GRIA4: variants seen among roughly 807,000 people sequenced by gnomAD.
The protein encoded by GRIA4 is glutamate receptor 4.
GRIA4 carries 34 observed loss-of-function variants against 104.0 expected under a neutral mutation model. That is an observed-to-expected ratio of 0.33 (90% CI 0.25 to 0.44). GRIA4 has a LOEUF of 0.44. GRIA4 is among the 20% of genes least tolerant of loss of function. GRIA4 has a pLI of 1.00. For synonymous variants in GRIA4, 386 were observed against 381.9 expected, an observed-to-expected ratio of 1.01 and a Z score of -0.13; for missense variants, 750 against 1,096.5, an observed-to-expected ratio of 0.68 and a Z score of 4.46.
chr11:105,691,576 A>T (rs1454118398), intron 3 of GRIA4, among the ~76,000 whole-genome samples: 4 of 152,182 alleles, frequency 2.6e-5, no homozygotes, highest in Non-Finnish European at 5.9e-5. Context: ...ACCTCATAAG[A>T]TTATTTTGAT....
At chr11:105,849,081 A>G (rs1411446683) in intron 4 of GRIA4, among the ~76,000 whole-genome samples, 1 of 152,112 alleles carries the variant, frequency 6.6e-6, no homozygotes, top group Non-Finnish European at 1.5e-5. Context: ...AATCTCAGAA[A>G]CTCAGAAGGC....
intron 14 of GRIA4, 40 bp from the exon 15 acceptor site, chr11:105,971,873 AT>A: frequency 2.4e-6 from 3 of 1,257,352 alleles, no homozygotes. Context: ...ATAACATAAA[AT>A]AACATATATA....
At chr11:105,945,527 G>A (rs1346797144) in intron 14 of GRIA4, 2 of 856,662 alleles carry the variant, frequency 2.3e-6, no homozygotes, top group East Asian at 1.2e-4. Flanking sequence ...TCTTTCAAAA[G>A]AATGGCTTCC....
chr11:105,611,160 G>T, intron 2 of GRIA4, 75 bp downstream of exon 2: 2 of 1,011,612 alleles, frequency 2.0e-6, no homozygotes, highest in Non-Finnish European at 3.2e-6. Context: ...ATGAGTTGCT[G>T]ATAAGCAATT....
intron 4 of GRIA4, among the ~76,000 whole-genome samples, chr11:105,823,884 A>T (rs751965088): frequency 6.6e-6 from 1 of 152,066 alleles, no homozygotes; most frequent in Non-Finnish European, 1.5e-5. Flanking sequence ...TTGAGATAAG[A>T]TTAAGTTAAA....
intron 5 of GRIA4, among the ~76,000 whole-genome samples, chr11:105,869,496 T>C (rs922276135): frequency 2.6e-5 from 4 of 152,082 alleles, no homozygotes; most frequent in African/African-American, 9.7e-5. Flanking sequence ...GTAAGTTATA[T>C]TCCTCATTAG....
intron 5 of GRIA4, among the ~76,000 whole-genome samples, chr11:105,879,931 T>C (rs1945985781): frequency 6.6e-6 from 1 of 152,172 alleles, no homozygotes; most frequent in Non-Finnish European, 1.5e-5. Context: ...GAAAACAGTA[T>C]GGAAACTATA....
intron 14 of GRIA4, among the ~76,000 whole-genome samples, chr11:105,952,012 G>A (rs1260532271): frequency 6.6e-6 from 1 of 152,078 alleles, no homozygotes; most frequent in Admixed American, 6.6e-5. Context: ...TGATGCAACT[G>A]TACAATGATC....
At chr11:105,965,659 C>T (rs1250858356) in intron 14 of GRIA4, among the ~76,000 whole-genome samples, 1 of 126,458 alleles carries the variant, frequency 7.9e-6, no homozygotes, top group African/African-American at 3.1e-5. Context: ...AGTAAATTCC[C>T]GTTTATTACT....
chr11:105,610,132 C>G lies in GRIA4; in HGVS notation c.-387C>G, dbSNP rs1950433138. ...AGGACTGTAGGAGAGGGAGGCAGCC[C>G]GTCCTCCTCACGAACCTGCAAGGAT... On this transcript the variant is annotated 5_prime_UTR_variant, in exon 1 of 17. Transcript: ENST00000282499. The G allele has an allele frequency of 6.6e-6, 1 of 152,606 alleles. No homozygotes were observed. Among genetic ancestry groups the G allele is most frequent in the East Asian group, 1.9e-4 (1 of 5,162 alleles). The allele number at this position is 152,606 out of a possible 1,614,324, so 9.5% of individuals were successfully genotyped here. A position where few individuals can be genotyped will look rare whatever the true frequency, so the allele number is the denominator to read the frequency against.
intron 13 of GRIA4, among the ~76,000 whole-genome samples, chr11:105,927,341 A>G (rs1215718923): frequency 1.3e-5 from 2 of 152,118 alleles, no homozygotes; most frequent in Non-Finnish European, 2.9e-5. Flanking sequence ...TGCGTTTGAA[A>G]CACAAAACCT....
intron 3 of GRIA4, among the ~76,000 whole-genome samples, chr11:105,652,433 C>G (rs1460334258): frequency 6.6e-6 from 1 of 152,084 alleles, no homozygotes; most frequent in Non-Finnish European, 1.5e-5. Context: ...TCCAGTGTAA[C>G]CAGTAAGATG....
At chr11:105,747,557 A>C (rs558874366) in intron 3 of GRIA4, among the ~76,000 whole-genome samples, 29 of 152,306 alleles carry the variant, frequency 1.9e-4, no homozygotes, top group Middle Eastern at 3.4e-3. Flanking sequence ...ATTTACTAAA[A>C]TCAGAATTTT....
chr11:105,806,384 A>G (rs767397277), intron 4 of GRIA4, among the ~76,000 whole-genome samples: 1 of 151,856 alleles, frequency 6.6e-6, no homozygotes, highest in African/African-American at 2.4e-5. Context: ...CACAGAACCC[A>G]TCAGAAAAGT....
intron 13 of GRIA4, 41 bp from the exon 14 acceptor site, chr11:105,933,680 TC>T: frequency 7.1e-7 from 1 of 1,413,878 alleles, no homozygotes; most frequent in Non-Finnish European, 9.6e-7. Context: ...AACATGTTGT[TC>T]CCTTCTTTCC....
chr11:105,905,092 G>T (rs1241588621), intron 8 of GRIA4, 105 bp from the exon 9 acceptor site: 1 of 671,476 alleles, frequency 1.5e-6, no homozygotes, highest in Non-Finnish European at 2.7e-6. Context: ...GTTGGTTATA[G>T]TTTATAGTTC....
At chr11:105,776,393 A>G (rs1941452133) in intron 4 of GRIA4, among the ~76,000 whole-genome samples, 1 of 152,226 alleles carries the variant, frequency 6.6e-6, no homozygotes, top group South Asian at 2.1e-4. Flanking sequence ...AATATATCAA[A>G]CTTGTTTCAA....
chr11:105,971,276 G>A (rs1858678513), intron 14 of GRIA4, among the ~76,000 whole-genome samples: 1 of 152,142 alleles, frequency 6.6e-6, no homozygotes, highest in Non-Finnish European at 1.5e-5. Context: ...CTGCAATTTA[G>A]AAGGAAAGTA....
intron 14 of GRIA4, among the ~76,000 whole-genome samples, chr11:105,961,895 A>C (rs950018183): frequency 1.3e-5 from 2 of 152,208 alleles, no homozygotes; most frequent in Non-Finnish European, 2.9e-5. Context: ...CATCCTATTA[A>C]GTGAGATGGA....
Sources: allele counts gnomAD v4.1 joint callset (sites outside exome capture counted in the v4.1 genomes callset), GRCh38; gene constraint gnomAD v4.1.1; transcripts MANE v1.5; gene names NCBI Gene and HGNC (gene_info 2026-07-23, HGNC 2026-07-21).